Variants in NFIA observed in about 807,000 individuals in gnomAD.
The protein encoded by NFIA is nuclear factor I A, also known as nuclear factor 1 A-type.
Under a neutral mutation model 62.8 loss-of-function variants are expected in NFIA, and 8 were observed. The observed-to-expected ratio is 0.13, with a 90% CI of 0.07 to 0.23. The LOEUF is 0.23. Among genes scored for constraint, NFIA ranks in the 10% least tolerant of loss-of-function variants. NFIA has a pLI of 1.00. For synonymous variants in NFIA, 235 were observed against 238.1 expected, an observed-to-expected ratio of 0.99 and a Z score of 0.12; for missense variants, 410 against 642.1, an observed-to-expected ratio of 0.64 and a Z score of 3.91.
intron 10 of NFIA, among the ~76,000 whole-genome samples, chr1:61,437,028 T>C (rs570928942): frequency 3.3e-5 from 5 of 152,196 alleles, no homozygotes; most frequent in Non-Finnish European, 7.4e-5. Flanking sequence ...AGAGTCTGAA[T>C]GTGTTGAGAT....
At chr1:61,235,781 C>G (rs1654974230) in intron 2 of NFIA, among the ~76,000 whole-genome samples, 1 of 149,738 alleles carries the variant, frequency 6.7e-6, no homozygotes. Flanking sequence ...CCACTGCACT[C>G]CATCCTGGGT....
chr1:61,191,978 G>A (rs1651658833), intron 2 of NFIA, among the ~76,000 whole-genome samples: 1 of 145,814 alleles, frequency 6.9e-6, no homozygotes, highest in South Asian at 2.2e-4. Flanking sequence ...GTTTTTTTTT[G>A]ACATGGAGTC....
At position 61,428,382 on chromosome 1, in the gene NFIA, ATT is replaced by A. The variant is rs34309622; in HGVS notation, c.1512+1843_1512+1844del. On this transcript the variant is annotated intron_variant, in intron 10 of 10. Coordinates refer to ENST00000403491, the MANE Select transcript of NFIA (RefSeq NM_001134673.4). ...GCCCAGTATTGGCATCTGGAACTGA[ATT>A]TTTTTTTTTTTTTTTTGGTTTCTGT... Among the ~76,000 whole-genome samples the A allele has an allele frequency of 3.8e-3, 515 of 135,908 alleles. 3 individuals are homozygous for A. The highest frequency in any genetic ancestry group is 0.013 in the African/African-American group (479 of 37,358). 89.2% of individuals were successfully genotyped at this position (135,908 alleles called of 152,430 possible).
chr1:61,382,251 C>T (rs779835881), intron 6 of NFIA, among the ~76,000 whole-genome samples: 4 of 151,992 alleles, frequency 2.6e-5, no homozygotes, highest in Admixed American at 6.6e-5. Context: ...GCGTGGTTGC[C>T]GAGAACATTA....
At chr1:61,368,378 T>A (rs1663707376) in intron 6 of NFIA, among the ~76,000 whole-genome samples, 1 of 152,212 alleles carries the variant, frequency 6.6e-6, no homozygotes, top group African/African-American at 2.4e-5. Context: ...ACCACAGCAA[T>A]CTTCATAGGC....
chr1:61,380,298 A>G (rs1664352371), intron 6 of NFIA, among the ~76,000 whole-genome samples: 1 of 152,208 alleles, frequency 6.6e-6, no homozygotes, highest in South Asian at 2.1e-4. Context: ...TCCTCCAGAA[A>G]AAGAGTAGGA....
At chr1:61,189,899 T>G (rs1237020349) in intron 2 of NFIA, among the ~76,000 whole-genome samples, 1 of 152,138 alleles carries the variant, frequency 6.6e-6, no homozygotes, top group African/African-American at 2.4e-5. Context: ...CTGGGTCACA[T>G]CTTGGATCTG....
intron 1 of NFIA, among the ~76,000 whole-genome samples, chr1:61,086,877 A>G (rs1444070903): frequency 1.3e-5 from 2 of 152,252 alleles, no homozygotes; most frequent in East Asian, 1.9e-4. Flanking sequence ...TGCATTTTAT[A>G]ATATTTGTCT....
intron 2 of NFIA, among the ~76,000 whole-genome samples, chr1:61,162,181 T>C (rs1455121836): frequency 2.6e-5 from 4 of 152,162 alleles, no homozygotes; most frequent in Admixed American, 2.0e-4. Context: ...CCACCTGTTC[T>C]TTCTCCCAGA....
intron 2 of NFIA, among the ~76,000 whole-genome samples, chr1:61,257,529 G>C (rs934909574): frequency 6.6e-6 from 1 of 151,490 alleles, no homozygotes; most frequent in African/African-American, 2.4e-5. Flanking sequence ...TAGTAGAGAC[G>C]GGGTTTCACC....
At chr1:61,164,405 A>C (rs1387730507) in intron 2 of NFIA, among the ~76,000 whole-genome samples, 2 of 152,116 alleles carry the variant, frequency 1.3e-5, no homozygotes, top group Non-Finnish European at 2.9e-5. Flanking sequence ...GCTGCAAGGA[A>C]GCTTGGGAAA....
At chr1:61,225,437 G>A (rs1481186059) in intron 2 of NFIA, among the ~76,000 whole-genome samples, 1 of 151,918 alleles carries the variant, frequency 6.6e-6, no homozygotes, top group African/African-American at 2.4e-5. Flanking sequence ...TTTTAGTAGA[G>A]ACGGGGTTTC....
chr1:61,249,483 T>C (rs988535731), intron 2 of NFIA, among the ~76,000 whole-genome samples: 2 of 152,158 alleles, frequency 1.3e-5, no homozygotes, highest in African/African-American at 4.8e-5. Context: ...CAAAAATGAA[T>C]AATGGCCAGA....
chr1:61,094,782 A>G lies in NFIA; in HGVS notation c.559+6102A>G, dbSNP rs535608014. Among the ~76,000 whole-genome samples the G allele has an allele frequency of 3.3e-5, 5 of 152,310 alleles. No individual in the cohort carries two copies. The South Asian group carries it at 8.3e-4, about 25-fold the overall frequency. ...TAGATTTTCCCCAAAATATTAGAAAACAATTCCTCATGTTTTGTTTTAACT... is the reference window on the plus strand; with the variant it reads ...TAGATTTTCCCCAAAATATTAGAAAGCAATTCCTCATGTTTTGTTTTAACT... On this transcript the variant is annotated intron_variant, in intron 2 of 10. Coordinates refer to ENST00000403491, the MANE Select transcript of NFIA (RefSeq NM_001134673.4).
chr1:61,395,004 G>A (rs986452085), intron 7 of NFIA, among the ~76,000 whole-genome samples: 17 of 152,178 alleles, frequency 1.1e-4, no homozygotes, highest in African/African-American at 4.1e-4. Context: ...CCACTTGGGA[G>A]GCTGAGGTGG....
Position 61,327,923 on chromosome 1 carries a change from A to T in NFIA, c.626-4589A>T, listed in dbSNP as rs546422185. 1.6e-3 allele frequency among the ~76,000 whole-genome samples: 245 copies of T among 149,564 alleles called. 1 individual carries two copies. Among genetic ancestry groups the T allele is most frequent in the African/African-American group, 5.6e-3 (228 of 40,752 alleles). On this transcript the variant is annotated intron_variant, in intron 3 of 10. Coordinates refer to ENST00000403491, the MANE Select transcript of NFIA (RefSeq NM_001134673.4). ...CACCACATCCATGCCAATATCTATTATTTTTTTTTTACTTTTTATTAATGG... is the reference window on the plus strand; with the variant it reads ...CACCACATCCATGCCAATATCTATTTTTTTTTTTTTACTTTTTATTAATGG...
chr1:61,455,521 T>G lies in NFIA; in HGVS notation c.*201T>G. 2.7e-6 allele frequency: 2 copies of G among 752,006 alleles called. No homozygotes were observed. Among genetic ancestry groups the G allele is most frequent in the South Asian group, 2.1e-5 (1 of 47,870 alleles). 46.6% of individuals were successfully genotyped at this position (752,006 alleles called of 1,614,324 possible). A position where few individuals can be genotyped will look rare whatever the true frequency, so the allele number is the denominator to read the frequency against. ...GGCCATAACCTTTTGGGATTTTTTTTTTTTTAAAATACTTTAGGGACTGTT... is the reference window on the plus strand; with the variant it reads ...GGCCATAACCTTTTGGGATTTTTTTGTTTTTAAAATACTTTAGGGACTGTT... On this transcript the variant is annotated 3_prime_UTR_variant, in exon 11 of 11. Transcript: ENST00000403491.
intron 3 of NFIA, among the ~76,000 whole-genome samples, chr1:61,290,436 T>A (rs140632989): frequency 6.6e-6 from 1 of 152,304 alleles, no homozygotes; most frequent in African/African-American, 2.4e-5. Flanking sequence ...ATTGGTTAAT[T>A]CTCCATTTCA....
intron 4 of NFIA, among the ~76,000 whole-genome samples, chr1:61,347,902 G>C (rs1260305053): frequency 6.6e-6 from 1 of 152,110 alleles, no homozygotes; most frequent in African/African-American, 2.4e-5. Context: ...CTCTCTTTTT[G>C]TCTTTTTGTA....
Sources: gnomAD v4.1 joint callset for allele counts (sites outside exome capture counted in the v4.1 genomes callset) on GRCh38, gnomAD v4.1.1 for gene constraint, MANE v1.5 for transcripts, NCBI Gene and HGNC (gene_info 2026-07-23, HGNC 2026-07-21) for gene names.